ZBTB8A: variants seen among roughly 807,000 people sequenced by gnomAD.
The protein encoded by ZBTB8A is zinc finger and BTB domain-containing protein 8A.
In ZBTB8A, 19 loss-of-function variants were observed where a neutral mutation model predicts 37.8. The ratio of observed to expected loss-of-function variants is 0.50; its 90% CI spans 0.35 to 0.74. ZBTB8A has a LOEUF of 0.74. Among genes scored for constraint, ZBTB8A ranks in the 30% least tolerant of loss-of-function variants. The pLI is 0.01. For missense variants in ZBTB8A, 394 were observed against 537.8 expected (o/e 0.73, Z 2.65); for synonymous variants, 181 against 185.2 (o/e 0.98, Z 0.19).
chr1:32,571,823 C>T (rs1245325001), intron 2 of ZBTB8A, among the ~76,000 whole-genome samples: 2 of 151,814 alleles, frequency 1.3e-5, no homozygotes, highest in African/African-American at 4.8e-5. Context: ...GTGATCCACC[C>T]GCCTCGGCCT....
intron 2 of ZBTB8A, among the ~76,000 whole-genome samples, chr1:32,560,365 C>T (rs544748605): frequency 4.6e-5 from 7 of 152,302 alleles, no homozygotes; most frequent in East Asian, 1.9e-4. Flanking sequence ...AGAAAGCCCT[C>T]GCCAAGTGTG....
Position 32,573,469 on chromosome 1 carries a change from A to G in ZBTB8A, c.-1-19462A>G, listed in dbSNP as rs867851988. On this transcript the variant is annotated intron_variant, in intron 2 of 4. Coordinates refer to ENST00000373510, the MANE Select transcript of ZBTB8A (RefSeq NM_001040441.3). ...TTTAATTGAGAAAGGTCTCACTCCC[A>G]TCACCCAGGCTGATGTGTGGTGGCA... Among the ~76,000 whole-genome samples, 204 of 144,364 alleles carry G rather than the reference A, an allele frequency of 1.4e-3. 1 individual carries two copies. The highest frequency in any genetic ancestry group is 4.9e-3 in the African/African-American group (191 of 39,078). 94.7% of individuals were successfully genotyped at this position (144,364 alleles called of 152,430 possible). A position where few individuals can be genotyped will look rare whatever the true frequency, so the allele number is the denominator to read the frequency against.
At chr1:32,585,436 A>G (rs897876126) in intron 2 of ZBTB8A, among the ~76,000 whole-genome samples, 22 of 151,926 alleles carry the variant, frequency 1.4e-4, no homozygotes, top group African/African-American at 4.6e-4. Context: ...ATGCAATAGG[A>G]AAAAAAATGC....
intron 2 of ZBTB8A, among the ~76,000 whole-genome samples, chr1:32,556,044 G>A (rs116562314): frequency 1.7e-3 from 258 of 151,654 alleles, no homozygotes; most frequent in Admixed American, 3.6e-3. Context: ...AAGTAGCTGG[G>A]ACTACAGGCA....
At position 32,542,984 on chromosome 1, in the gene ZBTB8A, CAA is replaced by C. The variant is rs552750718; in HGVS notation, c.-84+3413_-84+3414del. Among the ~76,000 whole-genome samples the C allele has an allele frequency of 3.3e-3, 501 of 152,202 alleles. 5 individuals are homozygous for C. Among genetic ancestry groups the C allele is most frequent in the Middle Eastern group, 0.024 (7 of 294 alleles). On this transcript the variant is annotated intron_variant, in intron 1 of 4. Coordinates refer to ENST00000373510, the MANE Select transcript of ZBTB8A (RefSeq NM_001040441.3). ...ATAACTTAAACCTTTTTTGATGACT[CAA>C]GAGTACTACTATGAATGCATGTTAT...
At chr1:32,592,438 G>A in intron 2 of ZBTB8A, among the ~76,000 whole-genome samples, 1 of 151,928 alleles carries the variant, frequency 6.6e-6, no homozygotes, top group South Asian at 2.1e-4. Flanking sequence ...TACTTGGGAG[G>A]CTGAGGTAGG....
intron 2 of ZBTB8A, among the ~76,000 whole-genome samples, chr1:32,577,907 AT>A (rs1246714675): frequency 1.3e-5 from 2 of 151,278 alleles, no homozygotes; most frequent in African/African-American, 4.9e-5. Context: ...TTTGATTTCT[AT>A]AAATTTTTTT....
intron 2 of ZBTB8A, among the ~76,000 whole-genome samples, chr1:32,581,656 A>G (rs1344563324): frequency 6.6e-6 from 1 of 151,928 alleles, no homozygotes; most frequent in East Asian, 1.9e-4. Context: ...CCAGCCTGCA[A>G]AAGTATTTGT....
At position 32,588,412 on chromosome 1, in the gene ZBTB8A, G is replaced by C. The variant is rs757824346; in HGVS notation, c.-1-4519G>C. 9.5e-4 allele frequency among the ~76,000 whole-genome samples: 144 copies of C among 152,074 alleles called. 3 individuals carry two copies. The highest frequency in any genetic ancestry group is 3.4e-3 in the Middle Eastern group (1 of 294). ...TGCTTGAAACTATGAGCCTGGATGG[G>C]ATCTAAATACTCCCTAGGGAATGAT... On this transcript the variant is annotated intron_variant, in intron 2 of 4. Transcript: ENST00000373510.
rs571644738 is a variant in ZBTB8A, at chr1:32,577,425, C to T, written c.-1-15506C>T. ...TCAGCCTTCCAAAGTGCTGGGATTA[C>T]AGGCGTGAGCCACTGAGCCCTGCCG... On this transcript the variant is annotated intron_variant, in intron 2 of 4. Coordinates refer to ENST00000373510, the MANE Select transcript of ZBTB8A (RefSeq NM_001040441.3). Among the ~76,000 whole-genome samples the T allele has an allele frequency of 1.1e-4, 16 of 151,520 alleles. No individual in the cohort carries two copies. The South Asian group carries it at 2.3e-3, about 22-fold the overall frequency.
intron 2 of ZBTB8A, among the ~76,000 whole-genome samples, chr1:32,578,696 T>C (rs1644381448): frequency 6.6e-6 from 1 of 151,914 alleles, no homozygotes; most frequent in Non-Finnish European, 1.5e-5. Flanking sequence ...AAATATTTTA[T>C]TTATTTATTA....
chr1:32,545,418 C>T (rs959873713), intron 1 of ZBTB8A, among the ~76,000 whole-genome samples: 1 of 152,030 alleles, frequency 6.6e-6, no homozygotes, highest in African/African-American at 2.4e-5. Context: ...TTATTTAATC[C>T]TCTTAACAGA....
At chr1:32,581,618 C>T (rs1163231091) in intron 2 of ZBTB8A, among the ~76,000 whole-genome samples, 2 of 151,988 alleles carry the variant, frequency 1.3e-5, no homozygotes, top group Non-Finnish European at 2.9e-5. Flanking sequence ...TCCCAAAGTG[C>T]TAGGATTACA....
chr1:32,540,763 G>A (rs1364186617), intron 1 of ZBTB8A, among the ~76,000 whole-genome samples: 4 of 152,224 alleles, frequency 2.6e-5, no homozygotes, highest in Non-Finnish European at 4.4e-5. Context: ...TTGTAGACTG[G>A]AGCAAGAGCC....
intron 2 of ZBTB8A, among the ~76,000 whole-genome samples, chr1:32,592,395 A>C (rs1644496512): frequency 6.6e-6 from 1 of 150,650 alleles, no homozygotes; most frequent in Admixed American, 6.6e-5. Flanking sequence ...ACAAAAAAAA[A>C]CAGGCATGGT....
intron 2 of ZBTB8A, among the ~76,000 whole-genome samples, chr1:32,589,548 G>A (rs1644473064): frequency 6.7e-6 from 1 of 149,112 alleles, no homozygotes; most frequent in Non-Finnish European, 1.5e-5. Flanking sequence ...ACCGCGCCCA[G>A]CCTGTTTGTT....
intron 1 of ZBTB8A, among the ~76,000 whole-genome samples, chr1:32,546,184 G>A (rs752093237): frequency 8.5e-5 from 13 of 152,142 alleles, no homozygotes; most frequent in African/African-American, 2.2e-4. Context: ...TGGCTCACAC[G>A]TGTAATCCCA....
In ZBTB8A at chr1:32,604,662, C is replaced by T. The variant is rs562715155; in HGVS notation, c.*4243C>T. The T allele has an allele frequency of 6.6e-5, 10 of 152,208 alleles. No homozygotes were observed. The highest frequency in any genetic ancestry group is 1.2e-4 in the Non-Finnish European group (8 of 68,018). 9.4% of individuals were successfully genotyped at this position (152,208 alleles called of 1,614,324 possible). A position where few individuals can be genotyped will look rare whatever the true frequency, so the allele number is the denominator to read the frequency against. ...ATAAGCATAGTTACTGTTTTCTGTA[C>T]GGCTAAGTACTGCCTAATGGATGAA... On this transcript the variant is annotated 3_prime_UTR_variant, in exon 5 of 5. Transcript: ENST00000373510.
intron 2 of ZBTB8A, among the ~76,000 whole-genome samples, chr1:32,584,643 C>G (rs917732918): frequency 1.3e-5 from 2 of 151,596 alleles, no homozygotes; most frequent in Non-Finnish European, 2.9e-5. Flanking sequence ...TCCCATGTAG[C>G]TGGAACCACA....
Sources: gnomAD v4.1 joint callset for allele counts (sites outside exome capture counted in the v4.1 genomes callset) on GRCh38, gnomAD v4.1.1 for gene constraint, MANE v1.5 for transcripts, NCBI Gene and HGNC (gene_info 2026-07-23, HGNC 2026-07-21) for gene names.